Variants in FAM171A1 observed in about 807,000 individuals in gnomAD.
FAM171A1 encodes protein FAM171A1.
A neutral mutation model predicts 74.9 loss-of-function variants in FAM171A1; 23 were observed. The ratio of observed to expected loss-of-function variants is 0.31; its 90% confidence interval spans 0.22 to 0.44. FAM171A1 has a LOEUF of 0.44. FAM171A1 is among the 20% of genes least tolerant of loss of function. The pLI, the probability that FAM171A1 is intolerant of heterozygous loss-of-function variation, is 1.00. For missense variants in FAM171A1, 1,162 were observed against 1,159.2 expected (o/e 1.00, Z -0.03); for synonymous variants, 527 against 505.7 (o/e 1.04, Z -0.57).
upstream of FAM171A1, among the ~76,000 whole-genome samples, chr10:15,372,800 C>T (rs894143282): frequency 2.0e-5 from 3 of 152,116 alleles, no homozygotes; most frequent in Non-Finnish European, 2.9e-5. Context: ...GGGACCCCCT[C>T]CATTCCAACC....
intron 1 of FAM171A1, among the ~76,000 whole-genome samples, chr10:15,315,801 C>T (rs1209025894): frequency 2.6e-5 from 4 of 152,138 alleles, no homozygotes; most frequent in South Asian, 2.1e-4. Context: ...AGACAAGGAG[C>T]GGCTGGAGAG....
chr10:15,301,362 A>ATATATAT (rs575709720), intron 1 of FAM171A1, among the ~76,000 whole-genome samples: 87 of 141,558 alleles, frequency 6.1e-4, no homozygotes, highest in African/African-American at 1.9e-3. Context: ...ATATATATAT[A>ATATATAT]TTTTTTTTTT....
rs1281476146 is a variant in FAM171A1, at chr10:15,213,231, G to C, written c.2357C>G (p.Thr786Arg). The C allele has an allele frequency of 6.2e-7, 1 of 1,614,116 alleles. No individual in the cohort carries two copies. The highest frequency in any genetic ancestry group is 1.7e-5 in the Admixed American group (1 of 60,026). ...EPRAPDSTAY[T>R]QLVYLDDVEQ... The stretch of plus-strand genomic sequence containing the variant: ...CACGTCATCCAGGTACACGAGCTGC[G>C]TGTAGGCCGTGCTGTCTGGGGCTCG... The change falls in exon 8 of 8, where the codon ACG becomes AGG. Residue 786 changes from threonine (T) to arginine (R), a missense_variant. Transcript: ENST00000378116. This position sits in a 1 kb window ranked among gnomAD's most constrained non-coding sequence, Gnocchi z 6.8.
chr10:15,287,881 T>C (rs1370334266), intron 1 of FAM171A1, among the ~76,000 whole-genome samples: 1 of 152,216 alleles, frequency 6.6e-6, no homozygotes, highest in East Asian at 1.9e-4. Flanking sequence ...TAGTGTACAC[T>C]GTACCCAATG....
intron 1 of FAM171A1, among the ~76,000 whole-genome samples, chr10:15,299,834 C>T (rs866723762): frequency 1.6e-4 from 25 of 152,074 alleles, no homozygotes; most frequent in African/African-American, 5.1e-4. Flanking sequence ...GAAAATTAGA[C>T]GGGCGTGGTG....
chr10:15,338,142 G>C (rs1184512649), intron 1 of FAM171A1, among the ~76,000 whole-genome samples: 1 of 152,142 alleles, frequency 6.6e-6, no homozygotes, highest in Non-Finnish European at 1.5e-5. Context: ...AAGTTTTAGA[G>C]CTACAGAAAC....
intron 3 of FAM171A1, among the ~76,000 whole-genome samples, chr10:15,274,122 A>G (rs1332060531): frequency 6.6e-6 from 1 of 152,228 alleles, no homozygotes; most frequent in Non-Finnish European, 1.5e-5. Flanking sequence ...ACATGATTGT[A>G]TACTTAGAAA....
chr10:15,358,483 G>A (rs1835958348), intron 1 of FAM171A1, among the ~76,000 whole-genome samples: 1 of 152,128 alleles, frequency 6.6e-6, no homozygotes, highest in Non-Finnish European at 1.5e-5. Context: ...CAACTCACCA[G>A]TCGCTGGGTT....
intron 1 of FAM171A1, among the ~76,000 whole-genome samples, chr10:15,327,473 A>G (rs77391896): frequency 0.019 from 2,960 of 152,230 alleles, 99 homozygotes; most frequent in African/African-American, 0.067. Context: ...AACAGGGTGA[A>G]ACCCCATCTC....
At chr10:15,322,041 T>C (rs542538661) in intron 1 of FAM171A1, among the ~76,000 whole-genome samples, 30 of 152,358 alleles carry the variant, frequency 2.0e-4, no homozygotes, top group African/African-American at 6.0e-4. Context: ...TTCTAATTCC[T>C]TTCACATGAA....
chr10:15,367,772 A>C (rs1180040996), intron 1 of FAM171A1, among the ~76,000 whole-genome samples: 1 of 152,260 alleles, frequency 6.6e-6, no homozygotes, highest in East Asian at 1.9e-4. Flanking sequence ...AACACCTTGC[A>C]CTTTTCAGCA....
chr10:15,309,782 T>C (rs377327541), intron 1 of FAM171A1, among the ~76,000 whole-genome samples: 5 of 152,216 alleles, frequency 3.3e-5, no homozygotes, highest in African/African-American at 1.2e-4. Flanking sequence ...TGCCTTCTTT[T>C]CTCCAATGTG....
chr10:15,271,105 C>T (rs886869077), intron 3 of FAM171A1, among the ~76,000 whole-genome samples: 4 of 152,118 alleles, frequency 2.6e-5, no homozygotes, highest in Admixed American at 6.6e-5. Flanking sequence ...GGAAGATGTT[C>T]GAACCCATTG....
intron 3 of FAM171A1, among the ~76,000 whole-genome samples, chr10:15,255,244 TTACTC>T (rs1266299877): frequency 3.3e-5 from 5 of 152,190 alleles, no homozygotes; most frequent in African/African-American, 1.2e-4. Flanking sequence ...ATTAATCTCT[TTACTC>T]AAACAATGTA....
chr10:15,258,567 T>G (rs925815937), intron 3 of FAM171A1, among the ~76,000 whole-genome samples: 3 of 152,208 alleles, frequency 2.0e-5, no homozygotes, highest in African/African-American at 7.2e-5. Context: ...GTTATCCCCA[T>G]AAGCGAATGC....
chr10:15,365,994 G>A (rs144215509), intron 1 of FAM171A1, among the ~76,000 whole-genome samples: 157 of 152,254 alleles, frequency 1.0e-3, no homozygotes, highest in African/African-American at 3.7e-3. Context: ...CTATTTACAA[G>A]TTAGATTTAT....
intron 1 of FAM171A1, among the ~76,000 whole-genome samples, chr10:15,360,003 C>T (rs114246052): frequency 4.6e-5 from 7 of 152,272 alleles, no homozygotes; most frequent in Admixed American, 3.9e-4. Flanking sequence ...TATGTGATCA[C>T]GGCTCACTGC....
At position 15,270,468 on chromosome 10, in the gene FAM171A1, G is replaced by A. The variant is rs186574934; in HGVS notation, c.418+5387C>T. The stretch of plus-strand genomic sequence containing the variant: ...CTCTGGGGGCAGGGCATAGCTGAAC[G>A]AAAGGCAGCAGAAACTTCTGCAGAC... On this transcript the variant is annotated intron_variant, in intron 3 of 7. Coordinates refer to ENST00000378116, the MANE Select transcript of FAM171A1 (RefSeq NM_001010924.2). Among the ~76,000 whole-genome samples, 146 of 152,336 alleles carry A rather than the reference G, an allele frequency of 9.6e-4. 1 individual carries two copies. In the East Asian group the frequency reaches 0.027, roughly 28 times the overall value.
chr10:15,321,703 A>G (rs1564277742), intron 1 of FAM171A1, among the ~76,000 whole-genome samples: 2 of 152,268 alleles, frequency 1.3e-5, no homozygotes, highest in Non-Finnish European at 2.9e-5. Flanking sequence ...AACAGAAAAG[A>G]AAGCTGAGGC....
Sources: gnomAD v4.1 joint callset for allele counts (sites outside exome capture counted in the v4.1 genomes callset) on GRCh38, gnomAD v4.1.1 for gene constraint, Gnocchi (gnomAD v3.1) non-coding constraint, MANE v1.5 for transcripts, NCBI Gene and HGNC (gene_info 2026-07-23, HGNC 2026-07-21) for gene names.